Variants in MTUS2 observed in about 807,000 individuals in gnomAD.
MTUS2 encodes microtubule associated scaffold protein 2.
A neutral mutation model predicts 114.1 loss-of-function variants in MTUS2; 40 were observed. The ratio of observed to expected loss-of-function variants is 0.35; its 90% confidence interval spans 0.27 to 0.46. MTUS2 has a LOEUF of 0.46. MTUS2 is among the 20% of genes least tolerant of loss of function. MTUS2 has a pLI of 1.00. For missense variants in MTUS2, 1,679 were observed against 1,705.4 expected (o/e 0.98, Z 0.27); for synonymous variants, 688 against 672.0 (o/e 1.02, Z -0.37).
intron 2 of MTUS2, among the ~76,000 whole-genome samples, chr13:28,933,045 T>C (rs1370044728): frequency 6.6e-6 from 1 of 152,018 alleles, no homozygotes; most frequent in Non-Finnish European, 1.5e-5. Context: ...CTCCTGGAAA[T>C]TTGTTATTGT....
At chr13:29,245,808 T>C (rs577311733) in intron 5 of MTUS2, among the ~76,000 whole-genome samples, 3 of 150,558 alleles carry the variant, frequency 2.0e-5, no homozygotes, top group East Asian at 2.0e-4. Context: ...GCCAGCCTCC[T>C]GTCTCAGCCT....
intron 2 of MTUS2, among the ~76,000 whole-genome samples, chr13:28,893,659 T>C (rs1432041380): frequency 1.3e-5 from 2 of 152,208 alleles, no homozygotes; most frequent in African/African-American, 4.8e-5. Context: ...GATACTGTGC[T>C]TTGCTGGTTC....
intron 8 of MTUS2, among the ~76,000 whole-genome samples, chr13:29,408,936 C>G (rs954525797): frequency 6.6e-6 from 1 of 152,178 alleles, no homozygotes; most frequent in Non-Finnish European, 1.5e-5. Flanking sequence ...ACTCTTCTTT[C>G]TCCAACAATG....
At chr13:29,335,771 C>T (rs1390165029) in intron 7 of MTUS2, among the ~76,000 whole-genome samples, 1 of 152,194 alleles carries the variant, frequency 6.6e-6, no homozygotes, top group Non-Finnish European at 1.5e-5. Flanking sequence ...TAGATAATAT[C>T]CTGAAGAGTG....
chr13:29,191,121 T>A (rs929470798), intron 5 of MTUS2, among the ~76,000 whole-genome samples: 1 of 152,066 alleles, frequency 6.6e-6, no homozygotes, highest in Non-Finnish European at 1.5e-5. Flanking sequence ...CAGAGTCTCA[T>A]AACGCTTCAG....
chr13:28,964,465 A>T (rs1158805678), intron 2 of MTUS2, among the ~76,000 whole-genome samples: 1 of 152,122 alleles, frequency 6.6e-6, no homozygotes, highest in Non-Finnish European at 1.5e-5. Context: ...CACCACCAGC[A>T]GCAACGCATC....
intron 9 of MTUS2, among the ~76,000 whole-genome samples, chr13:29,441,876 C>G (rs893186660): frequency 1.3e-5 from 2 of 152,178 alleles, no homozygotes; most frequent in Non-Finnish European, 2.9e-5. Context: ...CTGATGGAAA[C>G]TACCTTATCA....
chr13:29,060,802 CTT>C (rs34983544), intron 4 of MTUS2, among the ~76,000 whole-genome samples: 2 of 127,714 alleles, frequency 1.6e-5, no homozygotes, highest in Non-Finnish European at 3.1e-5. Flanking sequence ...GATTAGTTGA[CTT>C]TTTTTTTTTT....
chr13:29,026,289 A>G lies in MTUS2; in HGVS notation c.1591A>G (p.Asn531Asp). The G allele has an allele frequency of 6.2e-7, 1 of 1,613,980 alleles. No individual in the cohort carries two copies. The highest frequency in any genetic ancestry group is 2.2e-5 in the East Asian group (1 of 44,870). ...CTCAGCAAGAGCAGATTCAGTTCTC[A>G]ATATTCCAGCACCCCTCCACCCAGA... is the stretch of plus-strand genomic sequence containing the variant. ...STSARADSVLNIPAPLHPETT... is the reference protein window; with the variant it reads ...STSARADSVLDIPAPLHPETT... Residue 531 changes from asparagine (N) to aspartate (D), a missense_variant, in exon 3 of 16, where the codon AAT becomes GAT. Coordinates refer to ENST00000612955, the MANE Select transcript of MTUS2 (RefSeq NM_001033602.4).
At chr13:29,350,339 T>C (rs757840760) in intron 7 of MTUS2, among the ~76,000 whole-genome samples, 13 of 150,476 alleles carry the variant, frequency 8.6e-5, no homozygotes, top group East Asian at 3.9e-4. Context: ...GTGCTTGTAG[T>C]ACCAGAGTCC....
At chr13:29,304,193 A>G (rs908243741) in intron 6 of MTUS2, among the ~76,000 whole-genome samples, 15 of 152,202 alleles carry the variant, frequency 9.9e-5, no homozygotes, top group Admixed American at 4.6e-4. Flanking sequence ...ACACTGAAGT[A>G]CACAGAGCAG....
chr13:28,934,955 C>T (rs1383694206), intron 2 of MTUS2, among the ~76,000 whole-genome samples: 2 of 151,208 alleles, frequency 1.3e-5, no homozygotes, highest in African/African-American at 4.9e-5. Context: ...TCCCTGGTAC[C>T]CCTGCCAGCC....
intron 9 of MTUS2, among the ~76,000 whole-genome samples, chr13:29,444,418 C>CA (rs1465017879): frequency 6.6e-6 from 1 of 151,768 alleles, no homozygotes; most frequent in African/African-American, 2.4e-5. Flanking sequence ...GCAACAAGAG[C>CA]AAAACTCTGT....
chr13:29,255,749 A>G (rs1258822754), intron 5 of MTUS2, among the ~76,000 whole-genome samples: 4 of 152,150 alleles, frequency 2.6e-5, no homozygotes, highest in Non-Finnish European at 2.9e-5. Context: ...TGGGAACTCC[A>G]GGAGCAGGGA....
intron 14 of MTUS2, 109 bp downstream of exon 14, chr13:29,498,646 G>C: frequency 7.0e-7 from 1 of 1,424,834 alleles, no homozygotes; most frequent in South Asian, 1.4e-5. Flanking sequence ...CCTGCCCATT[G>C]CTTACACCCA....
At chr13:29,460,005 G>A (rs1006190662) in intron 9 of MTUS2, among the ~76,000 whole-genome samples, 6 of 152,178 alleles carry the variant, frequency 3.9e-5, no homozygotes, top group African/African-American at 1.4e-4. Context: ...TTCCGCAGAT[G>A]CTTGCAGACC....
intron 2 of MTUS2, among the ~76,000 whole-genome samples, chr13:28,940,248 A>G (rs958599762): frequency 2.0e-5 from 3 of 151,746 alleles, no homozygotes; most frequent in African/African-American, 7.2e-5. Flanking sequence ...GGGTAAGTGA[A>G]CTGTGTTGTG....
intron 5 of MTUS2, among the ~76,000 whole-genome samples, chr13:29,195,971 C>T (rs985749041): frequency 6.6e-6 from 1 of 151,996 alleles, no homozygotes; most frequent in Admixed American, 6.6e-5. Context: ...CTGATGCGAT[C>T]AAGTTTATGT....
rs1381749626 is a variant in MTUS2 at position 28,842,655 on chromosome 13, C to CT, written c.-243+2808dup. On this transcript the variant is annotated intron_variant, in intron 2 of 15. Transcript: ENST00000612955. ...TCCTCATTATTTTAAAGAAGAGATC[C>CT]TTTATGATGATTCTGTAAAGATGTA... Among the ~76,000 whole-genome samples, 10 of 152,164 alleles carry CT rather than the reference C, an allele frequency of 6.6e-5. No individual in the cohort carries two copies. In the East Asian group the frequency reaches 1.9e-3, roughly 29 times the overall value.
Sources: allele counts gnomAD v4.1 joint callset (sites outside exome capture counted in the v4.1 genomes callset), GRCh38; gene constraint gnomAD v4.1.1; transcripts MANE v1.5; gene names NCBI Gene and HGNC (gene_info 2026-07-23, HGNC 2026-07-21).